The following USP6NL variants were observed in gnomAD, a reference collection of about 807,000 sequenced individuals.
USP6NL encodes the protein USP6 N-terminal like, also known as USP6 N-terminal-like protein.
Under a neutral mutation model 61.9 loss-of-function variants are expected in USP6NL, and 26 were observed. The ratio of observed to expected loss-of-function variants is 0.42; its 90% CI spans 0.31 to 0.58. The LOEUF (loss-of-function observed/expected upper bound fraction) is 0.58. Ranked by LOEUF, USP6NL falls within the 20% of genes least tolerant of loss-of-function variation. USP6NL has a pLI of 0.16. For synonymous variants in USP6NL, 432 were observed against 390.1 expected (o/e 1.11, Z -1.27); for missense variants, 1,114 against 1,034.3 (o/e 1.08, Z -1.06).
At chr10:11,571,377 C>T (rs1300839298) in intron 2 of USP6NL, among the ~76,000 whole-genome samples, 1 of 152,104 alleles carries the variant, frequency 6.6e-6, no homozygotes, top group Non-Finnish European at 1.5e-5. Flanking sequence ...TAAGCCACCG[C>T]GCCCAGCCCC....
intron 2 of USP6NL, among the ~76,000 whole-genome samples, chr10:11,578,803 C>A (rs1309906684): frequency 6.6e-6 from 1 of 152,078 alleles, no homozygotes; most frequent in Non-Finnish European, 1.5e-5. Context: ...ACAATAAAAA[C>A]CTTTCTATTT....
At chr10:11,567,581 A>T (rs1220476379) in intron 2 of USP6NL, among the ~76,000 whole-genome samples, 1 of 152,238 alleles carries the variant, frequency 6.6e-6, no homozygotes, top group East Asian at 1.9e-4. Flanking sequence ...ACAGTTATAG[A>T]AATTAACAAA....
rs754053441 is a variant in USP6NL at position 11,463,409 on chromosome 10, T to C, written c.1519A>G (p.Lys507Glu). Residue 507 changes from lysine to glutamate, a missense_variant, in exon 15 of 15, where the codon AAA (lysine) becomes GAA (glutamate). Physicochemically the swap from Lys to Glu is moderately conservative, Grantham distance 56 (BLOSUM62 1). Coordinates refer to ENST00000609104, the MANE Select transcript of USP6NL (RefSeq NM_014688.5). This position sits in a 1 kb window ranked among gnomAD's most constrained non-coding sequence, Gnocchi z 6.3. ...AGCGCGGGGTGCGCTGCTCGACCTT[T>C]GCCTTCCATGGTGTATTTGGCAGTT... ...ERTAKYTMEG[K>E]GRAAHPALAV... is the part of the protein sequence containing the mutation. 6.2e-7 allele frequency: 1 copy of C among 1,614,048 alleles called. No individual in the cohort carries two copies. The highest frequency in any genetic ancestry group is 8.5e-7 in the Non-Finnish European group (1 of 1,179,900).
chr10:11,509,071 C>T (rs1834586063), intron 6 of USP6NL, among the ~76,000 whole-genome samples: 1 of 152,198 alleles, frequency 6.6e-6, no homozygotes, highest in African/African-American at 2.4e-5. Context: ...TTTTCTCTAA[C>T]TAACTTAGCA....
intron 14 of USP6NL, among the ~76,000 whole-genome samples, chr10:11,472,771 AT>A (rs1832810664): frequency 6.6e-6 from 1 of 152,206 alleles, no homozygotes; most frequent in Non-Finnish European, 1.5e-5. Context: ...TATGGCTATA[AT>A]TTTTTTAAAG....
Position 11,463,853 on chromosome 10 carries a change from AAAAG to A in USP6NL, c.1079-8_1079-5del, listed in dbSNP as rs1832311024. The A allele has an allele frequency of 1.4e-6, 2 of 1,457,732 alleles. No individual in the cohort carries two copies. The highest frequency in any genetic ancestry group is 1.8e-6 in the Non-Finnish European group (2 of 1,103,282). The allele number at this position is 1,457,732 out of a possible 1,614,324, so 90.3% of individuals were successfully genotyped here. On this transcript the variant is annotated splice_polypyrimidine_tract_variant and splice_region_variant and intron_variant, in intron 14 of 14. Transcript: ENST00000609104. This position sits in a 1 kb window ranked among gnomAD's most constrained non-coding sequence, Gnocchi z 6.3. Reference sequence around the variant, plus strand: ...TTTGGATATTCATCCTCTTTACCTGAAAAGAAAGAGAAAGGCTAAGTAAGATAAT... The same window carrying A: ...TTTGGATATTCATCCTCTTTACCTGAAAAGAGAAAGGCTAAGTAAGATAAT...
At chr10:11,608,420 T>C (rs1838775415) in intron 1 of USP6NL, among the ~76,000 whole-genome samples, 1 of 152,218 alleles carries the variant, frequency 6.6e-6, no homozygotes, top group Non-Finnish European at 1.5e-5. Context: ...CAGTGACTGC[T>C]CATGGGCTAT....
Position 11,597,502 on chromosome 10 carries a change from TG to T in USP6NL, c.4+128del. On this transcript the variant is annotated intron_variant, in intron 2 of 14. Coordinates refer to ENST00000609104, the MANE Select transcript of USP6NL (RefSeq NM_014688.5). The surrounding 1 kb of genome is among the most constrained non-coding windows in gnomAD (Gnocchi z 4.6). ...ACACAGACAAGCGCAGAGTGCTGGG[TG>T]GAACCACATTCAAACTCTGAATAAG... 1 of 949,360 alleles carries T rather than the reference TG, an allele frequency of 1.1e-6. No homozygotes were observed. The allele number at this position is 949,360 out of a possible 1,614,324, so 58.8% of individuals were successfully genotyped here.
intron 2 of USP6NL, among the ~76,000 whole-genome samples, chr10:11,543,772 A>C (rs1470261305): frequency 7.1e-6 from 1 of 140,944 alleles, no homozygotes; most frequent in Non-Finnish European, 1.5e-5. Context: ...TCCAGGTAAC[A>C]TCTTGTCTGG....
At chr10:11,545,341 A>G (rs1014476383) in intron 2 of USP6NL, among the ~76,000 whole-genome samples, 20 of 152,178 alleles carry the variant, frequency 1.3e-4, no homozygotes, top group African/African-American at 4.6e-4. Context: ...CTAAAAGAAA[A>G]GTAATCCAAA....
Position 11,576,090 on chromosome 10 carries a change from A to G in USP6NL, c.4+21541T>C, listed in dbSNP as rs377164245. On this transcript the variant is annotated intron_variant, in intron 2 of 14. Coordinates refer to ENST00000609104, the MANE Select transcript of USP6NL (RefSeq NM_014688.5). ...TCAACTCACTCTCTAACACTTCAGG[A>G]AAAAAAAAAAAAGCAATAATATTAA... Among the ~76,000 whole-genome samples, 651 of 143,630 alleles carry G rather than the reference A, an allele frequency of 4.5e-3. 13 individuals are homozygous for G. The highest frequency in any genetic ancestry group is 0.038 in the East Asian group (190 of 5,052). 94.2% of individuals were successfully genotyped at this position (143,630 alleles called of 152,430 possible).
At chr10:11,576,902 T>C (rs1837566539) in intron 2 of USP6NL, among the ~76,000 whole-genome samples, 1 of 152,186 alleles carries the variant, frequency 6.6e-6, no homozygotes, top group African/African-American at 2.4e-5. Flanking sequence ...TAAGCCTGAT[T>C]GTGATTTAAT....
intron 3 of USP6NL, among the ~76,000 whole-genome samples, chr10:11,526,090 T>A (rs1016939284): frequency 7.3e-6 from 1 of 137,088 alleles, no homozygotes; most frequent in African/African-American, 2.5e-5. Flanking sequence ...CATGGTCTCC[T>A]CATGCTCCAT....
rs17150519 is a variant in USP6NL at position 11,532,458 on chromosome 10, T to C, written c.5-4891A>G. On this transcript the variant is annotated intron_variant, in intron 2 of 14. Transcript: ENST00000609104. This position sits in a 1 kb window ranked among gnomAD's most constrained non-coding sequence, Gnocchi z 4.1. ...AAAACCTTGCTGTGGTTACACAGAC[T>C]ATATATTTTCAAACAAAGCTGATCA... Among the ~76,000 whole-genome samples the C allele has an allele frequency of 0.12, 18,501 of 152,198 alleles. 1,750 individuals are homozygous for C. The highest frequency in any genetic ancestry group is 0.45 in the East Asian group (2,343 of 5,166).
intron 6 of USP6NL, among the ~76,000 whole-genome samples, chr10:11,507,918 G>A (rs191693011): frequency 8.4e-4 from 128 of 152,316 alleles, no homozygotes; most frequent in Admixed American, 1.3e-3. Context: ...GCTGGGGTTT[G>A]ACCCATGATA....
At chr10:11,472,381 C>CT (rs1461753411) in intron 14 of USP6NL, among the ~76,000 whole-genome samples, 1 of 152,242 alleles carries the variant, frequency 6.6e-6, no homozygotes, top group Non-Finnish European at 1.5e-5. Context: ...TCAACGGCCT[C>CT]TGAGGCCTTA....
intron 1 of USP6NL, among the ~76,000 whole-genome samples, chr10:11,607,891 T>C (rs994263109): frequency 6.6e-6 from 1 of 152,216 alleles, no homozygotes; most frequent in Non-Finnish European, 1.5e-5. Flanking sequence ...TCTACAGTCA[T>C]ATCAATGTCA....
intron 2 of USP6NL, among the ~76,000 whole-genome samples, chr10:11,556,991 C>T (rs924450251): frequency 2.6e-5 from 4 of 152,148 alleles, no homozygotes; most frequent in Admixed American, 2.6e-4. Context: ...CTGACCACTT[C>T]GCTTTGGATC....
At chr10:11,549,455 TG>T (rs1258261980) in intron 2 of USP6NL, among the ~76,000 whole-genome samples, 1 of 152,210 alleles carries the variant, frequency 6.6e-6, no homozygotes, top group Non-Finnish European at 1.5e-5. Flanking sequence ...TTACTTTTCC[TG>T]ATGCTATGTT....
Sources: allele counts gnomAD v4.1 joint callset (sites outside exome capture counted in the v4.1 genomes callset), GRCh38; gene constraint gnomAD v4.1.1; non-coding constraint Gnocchi (gnomAD v3.1); transcripts MANE v1.5; gene names NCBI Gene and HGNC (gene_info 2026-07-23, HGNC 2026-07-21).